ASTN2: variants seen among roughly 807,000 people sequenced by gnomAD.
ASTN2 encodes the protein astrotactin 2.
ASTN2 carries 54 observed loss-of-function variants against 139.8 expected under a neutral mutation model. The observed-to-expected ratio is 0.39, with a 90% CI of 0.31 to 0.48. ASTN2 has a LOEUF of 0.48. Ranked by LOEUF, ASTN2 falls within the 20% of genes least tolerant of loss-of-function variation. ASTN2 has a pLI of 0.95. For synonymous variants in ASTN2, 756 were observed against 719.5 expected, an observed-to-expected ratio of 1.05 and a Z score of -0.81; for missense variants, 1,565 against 1,725.1, an observed-to-expected ratio of 0.91 and a Z score of 1.64.
At chr9:116,805,951 G>T in intron 12 of ASTN2, 131 bp from the exon 13 acceptor site, 1 of 844,880 alleles carries the variant, frequency 1.2e-6, no homozygotes, top group Non-Finnish European at 1.9e-6. Flanking sequence ...ATTCTACCTG[G>T]AATCTATCTA....
intron 3 of ASTN2, among the ~76,000 whole-genome samples, chr9:117,205,035 G>C (rs1360342602): frequency 6.6e-6 from 1 of 152,178 alleles, no homozygotes; most frequent in African/African-American, 2.4e-5. Flanking sequence ...GCAGGATACA[G>C]AGAAATAAAA....
At chr9:117,238,820 C>T (rs1833122831) in intron 2 of ASTN2, among the ~76,000 whole-genome samples, 1 of 152,082 alleles carries the variant, frequency 6.6e-6, no homozygotes, top group African/African-American at 2.4e-5. Context: ...TTTCTGGCAC[C>T]CAATAACACC....
chr9:117,323,033 A>C (rs1828384367), intron 1 of ASTN2, among the ~76,000 whole-genome samples: 2 of 151,986 alleles, frequency 1.3e-5, no homozygotes, highest in Admixed American at 1.3e-4. Context: ...CGGTATTCCA[A>C]TTCCTCTCTG....
chr9:116,684,424 T>C (rs1248876889), intron 16 of ASTN2, among the ~76,000 whole-genome samples: 3 of 152,326 alleles, frequency 2.0e-5, no homozygotes, highest in East Asian at 3.9e-4. Context: ...TTGAGTTTTT[T>C]CTACAATTTT....
chr9:117,414,279 T>A lies in ASTN2; in HGVS notation c.442+218A>T, dbSNP rs1226245999. ...GGGGCAGGTTCCCACTGCGGGAGGG[T>A]TGGCACGCCCCCAGGCTCCCGCCGC... On this transcript the variant is annotated intron_variant, in intron 1 of 22. Transcript: ENST00000313400. This position sits in a 1 kb window ranked among gnomAD's most constrained non-coding sequence, Gnocchi z 4.2. 6.6e-6 allele frequency among the ~76,000 whole-genome samples: 1 copy of A among 151,854 alleles called. No individual in the cohort carries two copies. Among genetic ancestry groups the A allele is most frequent in the Admixed American group, 6.5e-5 (1 of 15,272 alleles).
At chr9:117,312,709 C>T (rs1564140939) in intron 1 of ASTN2, among the ~76,000 whole-genome samples, 1 of 152,116 alleles carries the variant, frequency 6.6e-6, no homozygotes, top group East Asian at 1.9e-4. Context: ...GGGTCCAGGG[C>T]TCCATATCAG....
intron 3 of ASTN2, among the ~76,000 whole-genome samples, chr9:117,177,312 T>A (rs946694649): frequency 3.3e-5 from 5 of 152,186 alleles, no homozygotes; most frequent in African/African-American, 1.2e-4. Context: ...ATTTTATGCA[T>A]AAGGAAGCTG....
intron 14 of ASTN2, among the ~76,000 whole-genome samples, chr9:116,732,080 T>G (rs1828800007): frequency 6.6e-6 from 1 of 152,214 alleles, no homozygotes; most frequent in Non-Finnish European, 1.5e-5. Context: ...ACATCCATCA[T>G]TTCATTTGAT....
At chr9:116,620,253 A>T in intron 18 of ASTN2, 57 bp downstream of exon 18, 1 of 1,612,166 alleles carries the variant, frequency 6.2e-7, no homozygotes, top group Non-Finnish European at 8.5e-7. Context: ...CTGGCAGGAC[A>T]GGAGTGTGAG....
intron 6 of ASTN2, among the ~76,000 whole-genome samples, chr9:117,016,061 T>C (rs1375333582): frequency 1.3e-5 from 2 of 152,196 alleles, no homozygotes; most frequent in Admixed American, 1.3e-4. Flanking sequence ...ATGCTTTCAC[T>C]GTACATAGAT....
In ASTN2 at chr9:116,911,412, G is replaced by A. The variant is rs893346078; in HGVS notation, c.1890-47679C>T. 5.9e-5 allele frequency among the ~76,000 whole-genome samples: 9 copies of A among 152,164 alleles called. No homozygotes were observed. The East Asian group carries it at 1.7e-3, about 29-fold the overall frequency. ...AATGAAGACTGAAAAACTGTCTCTGGCCAGAAAAAAACTAAGAAGACATAA... is the reference window on the plus strand; with the variant it reads ...AATGAAGACTGAAAAACTGTCTCTGACCAGAAAAAAACTAAGAAGACATAA... On this transcript the variant is annotated intron_variant, in intron 10 of 22. Coordinates refer to ENST00000313400, the MANE Select transcript of ASTN2 (RefSeq NM_001365068.1).
At chr9:117,076,610 G>A (rs1174299080) in intron 5 of ASTN2, among the ~76,000 whole-genome samples, 1 of 152,114 alleles carries the variant, frequency 6.6e-6, no homozygotes, top group African/African-American at 2.4e-5. Flanking sequence ...GACAAGAGTG[G>A]GGTGAAGGAG....
chr9:116,904,544 A>C (rs1331961624), intron 10 of ASTN2, among the ~76,000 whole-genome samples: 1 of 152,174 alleles, frequency 6.6e-6, no homozygotes, highest in Non-Finnish European at 1.5e-5. Flanking sequence ...TGTGGGCTTC[A>C]GTTTCTTCAT....
At chr9:117,382,472 G>A (rs950672521) in intron 1 of ASTN2, among the ~76,000 whole-genome samples, 4 of 152,180 alleles carry the variant, frequency 2.6e-5, no homozygotes, top group African/African-American at 4.8e-5. Context: ...TGTTTAGGAC[G>A]GGAAATTAAA....
chr9:117,047,411 C>T (rs1410661834), intron 5 of ASTN2, among the ~76,000 whole-genome samples: 1 of 152,162 alleles, frequency 6.6e-6, no homozygotes, highest in East Asian at 1.9e-4. Context: ...GACTACGGCA[C>T]TCTCAAATCT....
At chr9:117,410,533 T>C (rs1588022687) in intron 1 of ASTN2, among the ~76,000 whole-genome samples, 1 of 152,216 alleles carries the variant, frequency 6.6e-6, no homozygotes, top group South Asian at 2.1e-4. Flanking sequence ...TACCCACTCA[T>C]ATTGCAGCAG....
chr9:117,264,807 G>A (rs965184150), intron 2 of ASTN2, among the ~76,000 whole-genome samples: 4 of 152,186 alleles, frequency 2.6e-5, no homozygotes, highest in African/African-American at 9.7e-5. Context: ...GGACCTGGTA[G>A]GTGGGAAGTA....
At chr9:116,723,327 C>T (rs1470581524) in intron 16 of ASTN2, among the ~76,000 whole-genome samples, 1 of 152,150 alleles carries the variant, frequency 6.6e-6, no homozygotes, top group East Asian at 1.9e-4. Context: ...TTTATTCTCC[C>T]AAAAGCCATG....
intron 16 of ASTN2, among the ~76,000 whole-genome samples, chr9:116,673,571 A>T (rs1370556742): frequency 6.6e-6 from 1 of 152,200 alleles, no homozygotes; most frequent in South Asian, 2.1e-4. Context: ...GGAGTGGGGC[A>T]GGTCCTTAAT....
Sources: gnomAD v4.1 joint callset for allele counts (sites outside exome capture counted in the v4.1 genomes callset) on GRCh38, gnomAD v4.1.1 for gene constraint, Gnocchi (gnomAD v3.1) non-coding constraint, MANE v1.5 for transcripts, NCBI Gene and HGNC (gene_info 2026-07-23, HGNC 2026-07-21) for gene names.